The following ANKRD6 variants were observed in gnomAD, a reference collection of about 807,000 sequenced individuals.
ANKRD6 encodes the protein ankyrin repeat domain-containing protein 6.
In ANKRD6, 56 loss-of-function variants were observed where a neutral mutation model predicts 82.3. That is an observed-to-expected ratio of 0.68 (90% CI 0.55 to 0.85). The LOEUF is 0.85. Among genes scored for constraint, ANKRD6 ranks in the 40% least tolerant of loss-of-function variants. ANKRD6 has a pLI of 0.00. For synonymous variants in ANKRD6, 347 were observed against 352.1 expected (o/e 0.99, Z 0.16); for missense variants, 852 against 907.6 (o/e 0.94, Z 0.79).
Position 89,542,283 on chromosome 6 carries a change from A to G in ANKRD6, c.-143-24551A>G, listed in dbSNP as rs187128774. Among the ~76,000 whole-genome samples the G allele has an allele frequency of 1.6e-3, 240 of 152,214 alleles. 1 individual carries two copies. Among genetic ancestry groups the G allele is most frequent in the African/African-American group, 5.6e-3 (232 of 41,518 alleles). On this transcript the variant is annotated intron_variant, in intron 1 of 15. Coordinates refer to ENST00000339746, the MANE Select transcript of ANKRD6 (RefSeq NM_001242809.2). ...GAGGGACAGGACTACTTCACAACTGACGTTACGTACTTTTAGCAGGAGGAC... is the reference window on the plus strand; with the variant it reads ...GAGGGACAGGACTACTTCACAACTGGCGTTACGTACTTTTAGCAGGAGGAC...
intron 1 of ANKRD6, among the ~76,000 whole-genome samples, chr6:89,524,875 A>T (rs971360799): frequency 4.6e-5 from 7 of 151,296 alleles, no homozygotes; most frequent in African/African-American, 1.7e-4. Flanking sequence ...ATTCACATCC[A>T]TGCCAACATC....
intron 1 of ANKRD6, among the ~76,000 whole-genome samples, chr6:89,472,316 A>G (rs1775579475): frequency 6.6e-6 from 1 of 152,188 alleles, no homozygotes; most frequent in Non-Finnish European, 1.5e-5. Context: ...TTTGGGGGGC[A>G]CCCAATTCAA....
At chr6:89,598,726 T>G (rs1309918438) in intron 3 of ANKRD6, among the ~76,000 whole-genome samples, 2 of 152,220 alleles carry the variant, frequency 1.3e-5, no homozygotes, top group Non-Finnish European at 2.9e-5. Context: ...GGTCAACATG[T>G]TCCAAATCAA....
rs1396139823 is a variant in ANKRD6 at position 89,595,956 on chromosome 6, ATCT to A, written c.164_166del (p.Leu55del). 1.9e-6 allele frequency: 3 copies of A among 1,611,156 alleles called. No individual in the cohort carries two copies. Among genetic ancestry groups the A allele is most frequent in the Non-Finnish European group, 2.5e-6 (3 of 1,178,804 alleles). ...CTGCATCTTGCTGCCAATAAGGGCC[ATCT>A]TCCTGTGGTCCAGATCTTGCTGAAG... On this transcript the variant is annotated inframe_deletion, in exon 3 of 16. Transcript: ENST00000339746.
At chr6:89,548,705 C>T (rs1785423068) in intron 1 of ANKRD6, among the ~76,000 whole-genome samples, 1 of 152,110 alleles carries the variant, frequency 6.6e-6, no homozygotes, top group Non-Finnish European at 1.5e-5. Flanking sequence ...GTTCCCACTG[C>T]TGTGAAAAAA....
intron 2 of ANKRD6, among the ~76,000 whole-genome samples, chr6:89,591,446 T>G (rs554932297): frequency 6.6e-6 from 1 of 152,188 alleles, no homozygotes; most frequent in Non-Finnish European, 1.5e-5. Flanking sequence ...CCTGTTCCCA[T>G]TTCTTCCTGT....
chr6:89,535,797 T>C (rs1233940158), intron 1 of ANKRD6, among the ~76,000 whole-genome samples: 1 of 152,240 alleles, frequency 6.6e-6, no homozygotes, highest in African/African-American at 2.4e-5. Flanking sequence ...GCTGTAGAAT[T>C]AGACCACCTC....
intron 1 of ANKRD6, among the ~76,000 whole-genome samples, chr6:89,474,106 A>AAAAAC (rs61656053): frequency 0.45 from 67,977 of 150,434 alleles, 15,853 homozygotes; most frequent in African/African-American, 0.56. Context: ...CCTGTCTCAA[A>AAAAAC]AAAACAAAAC....
At chr6:89,629,457 A>C (rs1323185853) in intron 15 of ANKRD6, 18 of 607,106 alleles carry the variant, frequency 3.0e-5, no homozygotes, top group Non-Finnish European at 5.3e-5. Context: ...TTATTTGAAT[A>C]AAGGAATTAA....
intron 1 of ANKRD6, among the ~76,000 whole-genome samples, chr6:89,468,566 A>C (rs1326331008): frequency 6.7e-6 from 1 of 149,788 alleles, no homozygotes; most frequent in East Asian, 2.0e-4. Context: ...GCCACACATA[A>C]AATATGCTAA....
chr6:89,616,945 A>G, intron 8 of ANKRD6: 1 of 565,134 alleles, frequency 1.8e-6, no homozygotes, highest in Non-Finnish European at 3.4e-6. Context: ...TGACGAGTGG[A>G]TGTTACCCAA....
chr6:89,465,902 G>A (rs1054453825), intron 1 of ANKRD6, among the ~76,000 whole-genome samples: 1 of 152,022 alleles, frequency 6.6e-6, no homozygotes, highest in Non-Finnish European at 1.5e-5. Context: ...TTTTAATGAG[G>A]ATATTAATAG....
chr6:89,468,481 A>G (rs1477576295), intron 1 of ANKRD6, among the ~76,000 whole-genome samples: 1 of 151,022 alleles, frequency 6.6e-6, no homozygotes, highest in East Asian at 1.9e-4. Context: ...TAATTTTTCT[A>G]TTTTTAAGTG....
rs200296488 is a variant in ANKRD6 at position 89,630,660 on chromosome 6, G to A, written c.1840G>A (p.Val614Ile). 5.3e-5 allele frequency: 85 copies of A among 1,613,910 alleles called. No homozygotes were observed. The highest frequency in any genetic ancestry group is 6.7e-5 in the Admixed American group (4 of 60,004). ...ATCTGATCAGCAGGCTGGGCCCTGC[G>A]TCAACAGAGGCACTCAAACTAAGAA... The part of the protein sequence containing the change: ...ARSDQQAGPC[V>I]NRGTQTKKSG... Residue 614 changes from valine to isoleucine, a missense_variant, in exon 16 of 16, where the codon GTC becomes ATC. Transcript: ENST00000339746.
At chr6:89,611,009 T>C (rs980213231) in intron 5 of ANKRD6, among the ~76,000 whole-genome samples, 62 of 152,138 alleles carry the variant, frequency 4.1e-4, no homozygotes, top group African/African-American at 1.4e-3. Context: ...GTGATTCTAA[T>C]GTGCACCCAA....
chr6:89,486,271 G>C (rs1331630517), intron 1 of ANKRD6, among the ~76,000 whole-genome samples: 1 of 152,194 alleles, frequency 6.6e-6, no homozygotes, highest in Non-Finnish European at 1.5e-5. Context: ...TGGCATTGCA[G>C]ATCAAGTAGC....
chr6:89,612,027 G>C (rs1800364044), intron 5 of ANKRD6, among the ~76,000 whole-genome samples: 1 of 152,240 alleles, frequency 6.6e-6, no homozygotes, highest in South Asian at 2.1e-4. Context: ...CTGGCTTTTA[G>C]TTAGTAAGTT....
intron 1 of ANKRD6, among the ~76,000 whole-genome samples, chr6:89,442,933 G>A (rs1317506166): frequency 6.6e-6 from 1 of 152,106 alleles, no homozygotes; most frequent in African/African-American, 2.4e-5. Context: ...GGGACTAGAG[G>A]GGGTAAGATC....
intron 1 of ANKRD6, among the ~76,000 whole-genome samples, chr6:89,444,000 C>T (rs1022023625): frequency 4.6e-5 from 7 of 152,180 alleles, no homozygotes; most frequent in South Asian, 4.1e-4. Context: ...TGGTTTATAT[C>T]GGAGCTCAGT....
Sources: allele counts gnomAD v4.1 joint callset (sites outside exome capture counted in the v4.1 genomes callset), GRCh38; gene constraint gnomAD v4.1.1; transcripts MANE v1.5; gene names NCBI Gene and HGNC (gene_info 2026-07-23, HGNC 2026-07-21).